PRH1: variants seen among roughly 807,000 people sequenced by gnomAD.
PRH1 encodes the protein proline rich protein HaeIII subfamily 1.
PRH1 carries 7 observed loss-of-function variants against 7.9 expected under a neutral mutation model. The ratio of observed to expected loss-of-function variants is 0.89; its 90% CI spans 0.50 to 1.67. The LOEUF (loss-of-function observed/expected upper bound fraction) is 1.67. Ranked by LOEUF, PRH1 falls within the 40% of genes most tolerant of loss-of-function variation. PRH1 has a pLI of 0.00. For missense variants in PRH1, 109 were observed against 223.6 expected, an observed-to-expected ratio of 0.49 and a Z score of 3.27; for synonymous variants, 45 against 80.8, an observed-to-expected ratio of 0.56 and a Z score of 2.38.
intron 1 of PRH1, among the ~76,000 whole-genome samples, chr12:11,026,935 T>C (rs868685686): frequency 3.3e-5 from 5 of 152,232 alleles, no homozygotes. Flanking sequence ...CTGTTTAATT[T>C]ACATTTTTTA....
chr12:11,160,239 AAT>A (rs1404743925), intron 1 of PRH1, among the ~76,000 whole-genome samples: 3 of 152,198 alleles, frequency 2.0e-5, no homozygotes, highest in East Asian at 1.9e-4. Context: ...TTGTTGATGC[AAT>A]ATGATTTATA....
At chr12:11,021,881 C>T in intron 1 of PRH1, 3 of 1,614,212 alleles carry the variant, frequency 1.9e-6, no homozygotes, top group Non-Finnish European at 2.5e-6. Context: ...AAGGAGGTCA[C>T]AGTTTGCAAA....
chr12:10,964,928 C>T, intron 2 of PRH1: 4 of 600,396 alleles, frequency 6.7e-6, no homozygotes, highest in Non-Finnish European at 1.2e-5. Flanking sequence ...AACAAGATGA[C>T]AAACCAAAAA....
At chr12:11,091,254 C>G in intron 1 of PRH1, 2 of 1,124,986 alleles carry the variant, frequency 1.8e-6, no homozygotes, top group South Asian at 1.4e-5. Flanking sequence ...TCATACACCA[C>G]CAGTTTGTTT....
intron 1 of PRH1, among the ~76,000 whole-genome samples, chr12:11,163,962 C>T (rs80011333): frequency 6.6e-6 from 1 of 152,176 alleles, no homozygotes; most frequent in African/African-American, 2.4e-5. Flanking sequence ...GCAATCTAGA[C>T]TGGCACTTAG....
chr12:10,892,479 C>A (rs1949588627), intron 2 of PRH1, among the ~76,000 whole-genome samples: 1 of 151,488 alleles, frequency 6.6e-6, no homozygotes, highest in Non-Finnish European at 1.5e-5. Flanking sequence ...ATGACACTAC[C>A]CTTTGAGAGC....
intron 1 of PRH1, among the ~76,000 whole-genome samples, chr12:11,125,715 T>TATAC (rs1565678155): frequency 8.0e-5 from 8 of 100,394 alleles, no homozygotes; most frequent in Non-Finnish European, 9.5e-5. Flanking sequence ...TATTACTATA[T>TATAC]TGGAAATTCA....
intron 1 of PRH1, among the ~76,000 whole-genome samples, chr12:11,152,046 TTTTC>T (rs1271332659): frequency 6.6e-5 from 10 of 151,978 alleles, no homozygotes; most frequent in African/African-American, 9.7e-5. Flanking sequence ...AACTTAATGT[TTTTC>T]TTTATTTTTC....
intron 1 of PRH1, among the ~76,000 whole-genome samples, chr12:11,072,954 T>C (rs1356129040): frequency 3.9e-5 from 6 of 151,926 alleles, no homozygotes; most frequent in Non-Finnish European, 7.4e-5. Context: ...GTTACAGTAA[T>C]TGGTGCAATA....
At chr12:11,152,849 G>A (rs1213821605) in intron 1 of PRH1, among the ~76,000 whole-genome samples, 2 of 152,166 alleles carry the variant, frequency 1.3e-5, no homozygotes, top group African/African-American at 2.4e-5. Context: ...TGATCACCAT[G>A]AGAATAGCCA....
rs147181236 is a variant in PRH1, at chr12:11,009,007, T to C, written c.-125-35286A>G. 4.3e-3 allele frequency among the ~76,000 whole-genome samples: 634 copies of C among 146,864 alleles called. 6 individuals are homozygous for C. The highest frequency in any genetic ancestry group is 0.015 in the African/African-American group (618 of 41,370). The stretch of plus-strand genomic sequence containing the variant: ...TTTATTACTATTTGCATATATCTTA[T>C]CAATTACACCTTTAGTCCAACAAGA... On this transcript the variant is annotated intron_variant, in intron 1 of 3. Transcript: ENST00000539853.
At chr12:11,021,976 A>G (rs746674128) in intron 1 of PRH1, 1 of 1,614,054 alleles carries the variant, frequency 6.2e-7, no homozygotes, top group African/African-American at 1.3e-5. Flanking sequence ...AAGAGAACAG[A>G]TTAACAGCAG....
At chr12:11,108,225 G>A (rs1945485412) in intron 1 of PRH1, among the ~76,000 whole-genome samples, 1 of 152,176 alleles carries the variant, frequency 6.6e-6, no homozygotes, top group African/African-American at 2.4e-5. Context: ...TGGGCAATAA[G>A]TAATCACTTG....
intron 1 of PRH1, among the ~76,000 whole-genome samples, chr12:11,141,157 C>A (rs1172780600): frequency 2.0e-5 from 3 of 152,118 alleles, no homozygotes; most frequent in African/African-American, 7.2e-5. Context: ...GTGGAAATAG[C>A]CCTATTTTCC....
chr12:11,084,626 A>T (rs76743698), intron 1 of PRH1, among the ~76,000 whole-genome samples: 1 of 85,950 alleles, frequency 1.2e-5, no homozygotes, highest in Non-Finnish European at 2.7e-5. Context: ...TTTTACCTTT[A>T]ATATTTATAT....
upstream of PRH1, chr12:11,047,295 A>G (rs1565590392): frequency 1.6e-5 from 4 of 257,170 alleles, no homozygotes; most frequent in East Asian, 7.9e-5. Context: ...TCATCAATAT[A>G]TAGATTAGAC....
intron 2 of PRH1, among the ~76,000 whole-genome samples, chr12:10,969,620 C>T (rs1938693870): frequency 6.6e-6 from 1 of 151,932 alleles, no homozygotes; most frequent in Non-Finnish European, 1.5e-5. Context: ...GCAAATAGCA[C>T]CTGCTCTTTG....
intron 1 of PRH1, among the ~76,000 whole-genome samples, chr12:10,977,399 A>T (rs1452179705): frequency 6.6e-6 from 1 of 152,204 alleles, no homozygotes; most frequent in Non-Finnish European, 1.5e-5. Flanking sequence ...CAAACTAGGA[A>T]TTGAAGGTAT....
chr12:11,032,470 A>G (rs7315455), intron 1 of PRH1, among the ~76,000 whole-genome samples: 31,981 of 152,132 alleles, frequency 0.21, 3,973 homozygotes, highest in Non-Finnish European at 0.27. Context: ...GTATAACTTC[A>G]TTATTCACAA....
Sources: allele counts gnomAD v4.1 joint callset (sites outside exome capture counted in the v4.1 genomes callset), GRCh38; gene constraint gnomAD v4.1.1; transcripts MANE v1.5; gene names NCBI Gene and HGNC (gene_info 2026-07-23, HGNC 2026-07-21).